APBA1: variants seen among roughly 807,000 people sequenced by gnomAD.
APBA1 encodes amyloid-beta A4 precursor protein-binding family A member 1.
A neutral mutation model predicts 86.6 loss-of-function variants in APBA1; 55 were observed. The observed-to-expected ratio is 0.64, with a 90% CI of 0.51 to 0.80. APBA1 has a LOEUF of 0.80. APBA1 is among the 30% of genes least tolerant of loss of function. The pLI, the probability that APBA1 is intolerant of heterozygous loss-of-function variation, is 0.00. For synonymous variants in APBA1, 511 were observed against 493.9 expected (o/e 1.03, Z -0.46); for missense variants, 1,090 against 1,183.0 (o/e 0.92, Z 1.15).
At chr9:69,554,396 C>T (rs767757811) in intron 1 of APBA1, among the ~76,000 whole-genome samples, 5 of 152,208 alleles carry the variant, frequency 3.3e-5, no homozygotes, top group Non-Finnish European at 5.9e-5. Flanking sequence ...ATTCTCCTTA[C>T]ACTAAGACAT....
chr9:69,544,708 G>T (rs1345904754), intron 1 of APBA1, among the ~76,000 whole-genome samples: 2 of 152,136 alleles, frequency 1.3e-5, no homozygotes, highest in African/African-American at 2.4e-5. Flanking sequence ...CATACTGAAA[G>T]AATTTAAATT....
intron 2 of APBA1, among the ~76,000 whole-genome samples, chr9:69,491,427 G>C (rs1482317340): frequency 6.6e-6 from 1 of 151,908 alleles, no homozygotes; most frequent in East Asian, 1.9e-4. Flanking sequence ...GACATAGGAA[G>C]GGGAACATCA....
rs534624483 is a variant in APBA1, at chr9:69,567,078, A to G, written c.-69-49799T>C. Among the ~76,000 whole-genome samples the G allele has an allele frequency of 3.3e-5, 5 of 152,302 alleles. No individual in the cohort carries two copies. In the South Asian group the frequency reaches 1.0e-3, roughly 32 times the overall value. The stretch of plus-strand genomic sequence containing the variant: ...CAGTACTGTTTGAATTTTTTTTTAC[A>G]ATGATCACTTATTATAACAAAAACC... On this transcript the variant is annotated intron_variant, in intron 1 of 12. Coordinates refer to ENST00000265381, the MANE Select transcript of APBA1 (RefSeq NM_001163.4).
At chr9:69,640,519 A>G (rs930816889) in intron 1 of APBA1, among the ~76,000 whole-genome samples, 4 of 152,020 alleles carry the variant, frequency 2.6e-5, no homozygotes, top group Non-Finnish European at 5.9e-5. Flanking sequence ...CTGTAATATT[A>G]ATAATTATCC....
At chr9:69,600,503 T>C (rs772912728) in intron 1 of APBA1, among the ~76,000 whole-genome samples, 32 of 152,062 alleles carry the variant, frequency 2.1e-4, no homozygotes, top group Non-Finnish European at 3.8e-4. Flanking sequence ...GTCTCTTCGT[T>C]TTTAAAATAG....
At chr9:69,489,923 C>A (rs1170379647) in intron 2 of APBA1, among the ~76,000 whole-genome samples, 1 of 152,140 alleles carries the variant, frequency 6.6e-6, no homozygotes, top group Non-Finnish European at 1.5e-5. Flanking sequence ...GTGGCGATTC[C>A]TCAGGGATCT....
Position 69,488,809 on chromosome 9 carries a change from CA to C in APBA1, c.1201-12667del, listed in dbSNP as rs1262696767. Among the ~76,000 whole-genome samples the C allele has an allele frequency of 5.3e-5, 8 of 152,198 alleles. No individual in the cohort carries two copies. In the East Asian group the frequency reaches 9.6e-4, roughly 18 times the overall value. On this transcript the variant is annotated intron_variant, in intron 2 of 12. Coordinates refer to ENST00000265381, the MANE Select transcript of APBA1 (RefSeq NM_001163.4). ...AGTCTCAGGATACAAAATCAATGTG[CA>C]AAAATCACAAGCATTCTTATACACC...
chr9:69,570,690 G>A (rs1201129665), intron 1 of APBA1, among the ~76,000 whole-genome samples: 1 of 151,330 alleles, frequency 6.6e-6, no homozygotes, highest in African/African-American at 2.4e-5. Flanking sequence ...TCTTTTTTTT[G>A]TTACCTCTCA....
In APBA1 at chr9:69,574,309, C is replaced by T. The variant is rs759192063; in HGVS notation, c.-69-57030G>A. 2.7e-4 allele frequency among the ~76,000 whole-genome samples: 41 copies of T among 152,246 alleles called. 1 individual carries two copies. Among genetic ancestry groups the T allele is most frequent in the South Asian group, 1.7e-3 (8 of 4,822 alleles). On this transcript the variant is annotated intron_variant, in intron 1 of 12. Transcript: ENST00000265381. ...GCATGCCCAAGTTTGTGAACTATTACGACAGAGCCTCATTTTGTCCTATCT... is the reference window on the plus strand; with the variant it reads ...GCATGCCCAAGTTTGTGAACTATTATGACAGAGCCTCATTTTGTCCTATCT...
intron 1 of APBA1, among the ~76,000 whole-genome samples, chr9:69,523,550 CA>C (rs1564066284): frequency 7.4e-6 from 1 of 135,730 alleles, no homozygotes; most frequent in Non-Finnish European, 1.6e-5. Context: ...CACACACACA[CA>C]CACCCAACAT....
intron 1 of APBA1, among the ~76,000 whole-genome samples, chr9:69,527,210 C>T (rs1241156916): frequency 6.6e-6 from 1 of 151,792 alleles, no homozygotes; most frequent in East Asian, 1.9e-4. Flanking sequence ...TGTACATGTA[C>T]CCCCTGAATC....
At chr9:69,530,325 TATATAC>T (rs1564068230) in intron 1 of APBA1, among the ~76,000 whole-genome samples, 4 of 93,858 alleles carry the variant, frequency 4.3e-5, no homozygotes, top group African/African-American at 1.4e-4. Context: ...TATATATATA[TATATAC>T]ACACACACAC....
intron 1 of APBA1, among the ~76,000 whole-genome samples, chr9:69,634,755 A>C (rs1467945864): frequency 6.6e-6 from 1 of 152,226 alleles, no homozygotes; most frequent in Non-Finnish European, 1.5e-5. Context: ...CATACAATGG[A>C]ACTCTAATAC....
chr9:69,451,932 T>C (rs1031514593), intron 9 of APBA1, among the ~76,000 whole-genome samples, 190 bp downstream of exon 9: 3 of 152,102 alleles, frequency 2.0e-5, no homozygotes, highest in African/African-American at 7.2e-5. Context: ...TTTACACCTG[T>C]CCACAATAGC....
chr9:69,572,130 G>T (rs1050275218), intron 1 of APBA1, among the ~76,000 whole-genome samples: 2 of 152,084 alleles, frequency 1.3e-5, no homozygotes, highest in Admixed American at 1.3e-4. Flanking sequence ...GGATGTGCAG[G>T]TTTGTTACAT....
intron 1 of APBA1, among the ~76,000 whole-genome samples, chr9:69,632,176 C>T (rs1823060752): frequency 6.6e-6 from 1 of 152,036 alleles, no homozygotes; most frequent in Non-Finnish European, 1.5e-5. Context: ...TTAAACTGTT[C>T]TGGGTGGAGT....
chr9:69,592,650 T>C (rs1822153075), intron 1 of APBA1, among the ~76,000 whole-genome samples: 1 of 152,226 alleles, frequency 6.6e-6, no homozygotes, highest in Admixed American at 6.5e-5. Flanking sequence ...GATGGTTTTA[T>C]AAATGACAGT....
chr9:69,638,692 G>A (rs1823227336), intron 1 of APBA1, among the ~76,000 whole-genome samples: 1 of 152,198 alleles, frequency 6.6e-6, no homozygotes, highest in African/African-American at 2.4e-5. Context: ...TGAATCAGAA[G>A]TGATTAAAAA....
chr9:69,443,305 T>A (rs981321076), intron 10 of APBA1, among the ~76,000 whole-genome samples: 1 of 152,202 alleles, frequency 6.6e-6, no homozygotes, highest in Non-Finnish European at 1.5e-5. Flanking sequence ...GGACTACTAC[T>A]GCAGAACAAT....
Sources: allele counts gnomAD v4.1 joint callset (sites outside exome capture counted in the v4.1 genomes callset), GRCh38; gene constraint gnomAD v4.1.1; transcripts MANE v1.5; gene names NCBI Gene and HGNC (gene_info 2026-07-23, HGNC 2026-07-21).